CDK5RAP1: variants seen among roughly 807,000 people sequenced by gnomAD.
The protein encoded by CDK5RAP1 is CDK5RAP1 mitochondrial tRNA methylthiotransferase.
Under a neutral mutation model 64.5 loss-of-function variants are expected in CDK5RAP1, and 62 were observed. The observed-to-expected ratio is 0.96, with a 90% CI of 0.78 to 1.19. CDK5RAP1 has a LOEUF of 1.19. CDK5RAP1 is among the 50% of genes most tolerant of loss of function. CDK5RAP1 has a pLI of 0.00. For missense variants in CDK5RAP1, 657 were observed against 735.0 expected (o/e 0.89, Z 1.23); for synonymous variants, 250 against 261.9 (o/e 0.95, Z 0.44).
chr20:33,393,712 T>C (rs1036300020), intron 4 of CDK5RAP1, among the ~76,000 whole-genome samples: 1 of 152,152 alleles, frequency 6.6e-6, no homozygotes, highest in Non-Finnish European at 1.5e-5. Context: ...ATGCCATTAG[T>C]TACAAAACAA....
chr20:33,385,452 A>T, intron 7 of CDK5RAP1, 198 bp downstream of exon 7: 1 of 547,146 alleles, frequency 1.8e-6, no homozygotes, highest in Non-Finnish European at 3.2e-6. Context: ...TGCCCTCTCC[A>T]TCCACCATGC....
At chr20:33,359,523 T>TA (rs1982506171) in intron 13 of CDK5RAP1, 1 of 181,064 alleles carries the variant, frequency 5.5e-6, no homozygotes, top group East Asian at 1.5e-4. Flanking sequence ...AATTGAGAGC[T>TA]AAAAGAATGT....
intron 5 of CDK5RAP1, among the ~76,000 whole-genome samples, chr20:33,389,190 C>A (rs1218822892): frequency 6.6e-6 from 1 of 151,992 alleles, no homozygotes; most frequent in African/African-American, 2.4e-5. Flanking sequence ...AGCGTCTCTG[C>A]CCGGCCACCC....
At chr20:33,359,150 C>G (rs1432714600) in intron 13 of CDK5RAP1, 27 bp from the exon 14 acceptor site, 1 of 1,526,830 alleles carries the variant, frequency 6.5e-7, no homozygotes. Context: ...CAGAAGAAGG[C>G]AAAATAACTA....
In CDK5RAP1 at chr20:33,360,322, C is replaced by T. The variant is rs200090708; in HGVS notation, c.1683+29G>A. ...CCAAACCAACACTCATTTCACAGTG[C>T]AAGCCAAAAGCCCAAAAGGACTCCT... On this transcript the variant is annotated intron_variant, in intron 13 of 13. Transcript: ENST00000346416. 4.4e-6 allele frequency: 7 copies of T among 1,607,626 alleles called. No individual in the cohort carries two copies. In the Admixed American group the frequency reaches 1.2e-4, roughly 28 times the overall value.
intron 11 of CDK5RAP1, 74 bp downstream of exon 11, chr20:33,370,425 T>C: frequency 2.6e-6 from 4 of 1,517,478 alleles, no homozygotes; most frequent in Non-Finnish European, 3.6e-6. Context: ...CTCTCTTTTC[T>C]GCCCTGTTCT....
intron 1 of CDK5RAP1, among the ~76,000 whole-genome samples, chr20:33,400,554 C>G (rs1374723850): frequency 3.3e-5 from 5 of 152,204 alleles, no homozygotes; most frequent in Non-Finnish European, 5.9e-5. Flanking sequence ...AAAAACCCAA[C>G]TTGAGATACA....
Position 33,374,167 on chromosome 20 carries a change from G to A in CDK5RAP1, c.1153C>T (p.His385Tyr). 1 of 1,614,026 alleles carries A rather than the reference G, an allele frequency of 6.2e-7. No homozygotes were observed. The highest frequency in any genetic ancestry group is 8.5e-7 in the Non-Finnish European group (1 of 1,179,890). The change falls in exon 9 of 14, where the codon CAC becomes TAC. Residue 385 changes from histidine (H) to tyrosine (Y), a missense_variant. Transcript: ENST00000346416. ...HERDNICKQIHLPAQSGSSRV... is the reference protein window; with the variant it reads ...HERDNICKQIYLPAQSGSSRV... The stretch of plus-strand genomic sequence containing the variant: ...CTGCTTCCACTCTGGGCTGGCAGGT[G>A]GATCTGTTTACAGATGTTATCTCTC...
intron 8 of CDK5RAP1, among the ~76,000 whole-genome samples, chr20:33,375,279 G>C (rs1985799286): frequency 1.3e-5 from 2 of 151,494 alleles, no homozygotes; most frequent in Middle Eastern, 3.2e-3. Flanking sequence ...GTGTGCACCT[G>C]TAATCCCAGC....
intron 13 of CDK5RAP1, 39 bp from the exon 14 acceptor site, chr20:33,359,162 G>A (rs1982437029): frequency 1.4e-6 from 2 of 1,452,304 alleles, no homozygotes; most frequent in African/African-American, 2.8e-5. Flanking sequence ...AAATAACTAG[G>A]ACTGTAGCAC....
chr20:33,367,504 A>T (rs1255862393), intron 11 of CDK5RAP1, among the ~76,000 whole-genome samples: 1 of 152,178 alleles, frequency 6.6e-6, no homozygotes, highest in African/African-American at 2.4e-5. Context: ...AAATAAGCAA[A>T]GTGCAGATCA....
At chr20:33,385,863 G>T in intron 6 of CDK5RAP1, 93 bp from the exon 7 acceptor site, 1 of 1,217,140 alleles carries the variant, frequency 8.2e-7, no homozygotes, top group Non-Finnish European at 1.1e-6. Flanking sequence ...ATTATTCTTT[G>T]GCTCTGAATC....
chr20:33,367,551 G>A (rs746919534), intron 11 of CDK5RAP1, among the ~76,000 whole-genome samples: 8 of 152,146 alleles, frequency 5.3e-5, no homozygotes, highest in African/African-American at 1.2e-4. Context: ...ATACATACAG[G>A]CATGCTTATA....
intron 7 of CDK5RAP1, among the ~76,000 whole-genome samples, chr20:33,381,742 T>C (rs1986775748): frequency 6.6e-6 from 1 of 152,156 alleles, no homozygotes; most frequent in Non-Finnish European, 1.5e-5. Flanking sequence ...TAATGTTCTT[T>C]ATAACATTTT....
upstream of CDK5RAP1, chr20:33,401,554 G>A (rs985515857): frequency 3.1e-5 from 30 of 976,270 alleles, no homozygotes; most frequent in African/African-American, 4.9e-4. Context: ...TTCAGGCCGG[G>A]TCATGCTAAC....
At position 33,366,840 on chromosome 20, in the gene CDK5RAP1, C is replaced by G; in HGVS notation, c.1542+19G>C. 1 of 1,594,664 alleles carries G rather than the reference C, an allele frequency of 6.3e-7. No individual in the cohort carries two copies. Among genetic ancestry groups the G allele is most frequent in the Non-Finnish European group, 8.5e-7 (1 of 1,172,560 alleles). ...CTGAAACATAAAAAACAACATAACA[C>G]ACACACATATGGCCTCACCCCTTCC... On this transcript the variant is annotated intron_variant, in intron 12 of 13. Transcript: ENST00000346416.
rs956728226 is a variant in CDK5RAP1 at position 33,378,891 on chromosome 20, A to G, written c.1107+570T>C. On this transcript the variant is annotated intron_variant, in intron 8 of 13. Coordinates refer to ENST00000346416, the MANE Select transcript of CDK5RAP1 (RefSeq NM_016408.4). ...AACAAATCCTCTCTGTACAGCCCTC[A>G]CGGTCCCGCAGGTGGTCTTAACCTC... Among the ~76,000 whole-genome samples the G allele has an allele frequency of 2.6e-5, 4 of 151,984 alleles. No homozygotes were observed. In the South Asian group the frequency reaches 8.3e-4, roughly 31 times the overall value.
chr20:33,387,454 G>A lies in CDK5RAP1; in HGVS notation c.624C>T (p.Tyr208=). The change falls in exon 6 of 14, where the codon TAC becomes TAT. Residue 208 remains tyrosine (Y), a synonymous_variant. Transcript: ENST00000346416. ...MVDILAGPDA[Y]RDLPRLLAVA... The stretch of plus-strand genomic sequence containing the variant: ...CAGCCAGCAGCCGGGGAAGGTCCCG[G>A]TAGGCATCAGGACCAGCCAAAATAT... 6.2e-7 allele frequency: 1 copy of A among 1,614,058 alleles called. No individual in the cohort carries two copies. The highest frequency in any genetic ancestry group is 1.3e-5 in the African/African-American group (1 of 75,030).
intron 5 of CDK5RAP1, among the ~76,000 whole-genome samples, chr20:33,391,641 G>T (rs1321452355): frequency 6.6e-6 from 1 of 151,948 alleles, no homozygotes; most frequent in Non-Finnish European, 1.5e-5. Context: ...GACCAACATG[G>T]GGAAACCCGT....
Sources: allele counts gnomAD v4.1 joint callset (sites outside exome capture counted in the v4.1 genomes callset), GRCh38; gene constraint gnomAD v4.1.1; transcripts MANE v1.5; gene names NCBI Gene and HGNC (gene_info 2026-07-23, HGNC 2026-07-21).